ACCSL: variants seen among roughly 807,000 people sequenced by gnomAD.
The protein encoded by ACCSL is probable inactive 1-aminocyclopropane-1-carboxylate synthase-like protein 2.
ACCSL carries 55 observed loss-of-function variants against 61.7 expected under a neutral mutation model. That is an observed-to-expected ratio of 0.89 (90% CI 0.72 to 1.12). The LOEUF (loss-of-function observed/expected upper bound fraction) is 1.12. Among genes scored for constraint, ACCSL ranks in the 50% most tolerant of loss-of-function variants. The pLI, the probability that ACCSL is intolerant of heterozygous loss-of-function variation, is 0.00. For synonymous variants in ACCSL, 258 were observed against 264.3 expected (o/e 0.98, Z 0.23); for missense variants, 632 against 698.0 (o/e 0.91, Z 1.07).
At chr11:43,992,054 C>CTTTTTTTTT in the ACCSL span, among the ~76,000 whole-genome samples, 6 of 114,142 alleles carry the variant, frequency 5.3e-5, no homozygotes, top group Admixed American at 9.7e-5. Flanking sequence ...TTCTTTCTTT[C>CTTTTTTTTT]TTTTTTTTTT....
the ACCSL span, chr11:43,943,469 G>A: frequency 6.4e-6 from 9 of 1,409,530 alleles, no homozygotes; most frequent in East Asian, 2.7e-4. The surrounding 1 kb of genome is among the most constrained non-coding windows in gnomAD (Gnocchi z 4.8). Flanking sequence ...GCCCGGGAGC[G>A]CCGGGAGCGG....
chr11:44,024,441 C>CTCTCTCTCTGTGTGTGTGTGTG, the ACCSL span, among the ~76,000 whole-genome samples: 1 of 132,014 alleles, frequency 7.6e-6, no homozygotes, highest in Non-Finnish European at 1.6e-5. Context: ...CTCTCTCTCT[C>CTCTCTCTCTGTGTGTGTGTGTG]TGTGTGTGTG....
the ACCSL span, among the ~76,000 whole-genome samples, chr11:44,020,029 T>C: frequency 6.6e-6 from 1 of 152,250 alleles, no homozygotes; most frequent in Admixed American, 6.5e-5. Context: ...CACTGAATTA[T>C]CTTGGCACCC....
chr11:44,024,052 G>A, the ACCSL span, among the ~76,000 whole-genome samples: 3 of 152,222 alleles, frequency 2.0e-5, no homozygotes, highest in East Asian at 1.9e-4. Flanking sequence ...GTGTGTCCGT[G>A]AGGGTGTCTC....
At chr11:43,949,471 CA>C in the ACCSL span, among the ~76,000 whole-genome samples, 1 of 152,148 alleles carries the variant, frequency 6.6e-6, no homozygotes, top group Non-Finnish European at 1.5e-5. Flanking sequence ...CTATGTCAGG[CA>C]AACCTGCCTT....
the ACCSL span, among the ~76,000 whole-genome samples, chr11:43,986,036 C>G: frequency 1.6e-5 from 2 of 126,578 alleles, no homozygotes; most frequent in East Asian, 3.9e-4. Context: ...CATCCAAAGC[C>G]GAGCATTCCA....
the ACCSL span, chr11:43,943,287 CGG>C: frequency 6.8e-7 from 1 of 1,472,172 alleles, no homozygotes; most frequent in East Asian, 2.9e-5. This position sits in a 1 kb window ranked among gnomAD's most constrained non-coding sequence, Gnocchi z 4.8. Flanking sequence ...GCGCCGCCCG[CGG>C]GGGGGACGCG....
chr11:43,962,536 C>G, the ACCSL span, among the ~76,000 whole-genome samples: 2 of 152,230 alleles, frequency 1.3e-5, no homozygotes, highest in African/African-American at 4.8e-5. Flanking sequence ...GGCTCCGAGT[C>G]TTTCTCAAAC....
the ACCSL span, among the ~76,000 whole-genome samples, chr11:43,937,315 A>G: frequency 1.3e-5 from 2 of 152,126 alleles, no homozygotes; most frequent in Admixed American, 6.5e-5. Context: ...AATGACAAAC[A>G]TGCCATGAAA....
At chr11:43,959,194 A>C in the ACCSL span, among the ~76,000 whole-genome samples, 1 of 152,162 alleles carries the variant, frequency 6.6e-6, no homozygotes, top group East Asian at 1.9e-4. Context: ...CCCCAGTGGA[A>C]TGGGCGAGCC....
chr11:43,933,226 G>A, the ACCSL span: 7 of 455,090 alleles, frequency 1.5e-5, no homozygotes, highest in East Asian at 1.4e-4. Context: ...CTCAGAATGC[G>A]AGGCTACAAG....
chr11:43,966,884 T>C, the ACCSL span, among the ~76,000 whole-genome samples: 1 of 152,238 alleles, frequency 6.6e-6, no homozygotes, highest in Admixed American at 6.5e-5. Context: ...AGTTACCTTC[T>C]ATTTCTAAAA....
chr11:43,954,166 G>T, the ACCSL span, among the ~76,000 whole-genome samples: 1 of 152,216 alleles, frequency 6.6e-6, no homozygotes, highest in Non-Finnish European at 1.5e-5. Flanking sequence ...GGGATTGGGG[G>T]TTGACTTCCT....
chr11:43,921,394 C>T, the ACCSL span, among the ~76,000 whole-genome samples: 4 of 152,176 alleles, frequency 2.6e-5, no homozygotes, highest in African/African-American at 7.2e-5. Flanking sequence ...AAAATGAGCA[C>T]GGCTTGTTTC....
chr11:44,034,159 G>A, the ACCSL span, among the ~76,000 whole-genome samples: 1 of 152,164 alleles, frequency 6.6e-6, no homozygotes, highest in Non-Finnish European at 1.5e-5. Flanking sequence ...AACACCACAT[G>A]TACATGTAGA....
chr11:44,007,477 C>G, the ACCSL span, among the ~76,000 whole-genome samples: 3 of 152,180 alleles, frequency 2.0e-5, no homozygotes, highest in Non-Finnish European at 4.4e-5. Flanking sequence ...AAACAGACCT[C>G]TAGGCCACTG....
the ACCSL span, among the ~76,000 whole-genome samples, chr11:43,992,391 A>T: frequency 6.6e-6 from 1 of 152,124 alleles, no homozygotes; most frequent in African/African-American, 2.4e-5. Context: ...GCTTTGCAGG[A>T]TAGTCTTTCC....
the ACCSL span, among the ~76,000 whole-genome samples, chr11:43,937,887 G>C: frequency 2.2e-4 from 33 of 152,294 alleles, no homozygotes; most frequent in African/African-American, 7.9e-4. Context: ...AGCTCCACGT[G>C]GTCATTTAGG....
chr11:43,982,419 G>A, the ACCSL span, among the ~76,000 whole-genome samples: 3 of 151,852 alleles, frequency 2.0e-5, 1 homozygote, highest in African/African-American at 7.2e-5. Context: ...GTAGAGACAG[G>A]GTTTCACCAT....
Sources: gnomAD v4.1 joint callset for allele counts (sites outside exome capture counted in the v4.1 genomes callset) on GRCh38, gnomAD v4.1.1 for gene constraint, Gnocchi (gnomAD v3.1) non-coding constraint, MANE v1.5 for transcripts, NCBI Gene and HGNC (gene_info 2026-07-23, HGNC 2026-07-21) for gene names.